Variants in CCDC171 observed in about 807,000 individuals in gnomAD.
The protein encoded by CCDC171 is coiled-coil domain-containing protein 171.
A neutral mutation model predicts 168.2 loss-of-function variants in CCDC171; 177 were observed. The observed-to-expected ratio is 1.05, with a 90% confidence interval of 0.93 to 1.19. CCDC171 has a LOEUF of 1.19. CCDC171 is among the 50% of genes most tolerant of loss of function. The pLI is 0.00. For missense variants in CCDC171, 1,991 were observed against 1,539.0 expected, an observed-to-expected ratio of 1.29 and a Z score of -4.91; for synonymous variants, 687 against 540.8, an observed-to-expected ratio of 1.27 and a Z score of -3.75.
intron 11 of CCDC171, among the ~76,000 whole-genome samples, chr9:15,712,850 G>C (rs961393267): frequency 6.6e-6 from 1 of 152,150 alleles, no homozygotes; most frequent in South Asian, 2.1e-4. Context: ...TATTACCTCT[G>C]TCCTTGCTGC....
chr9:15,840,925 T>C (rs1379331930), intron 21 of CCDC171, among the ~76,000 whole-genome samples: 1 of 152,150 alleles, frequency 6.6e-6, no homozygotes, highest in Non-Finnish European at 1.5e-5. Flanking sequence ...CTTATGAAGT[T>C]CCTTTTTATT....
intron 18 of CCDC171, among the ~76,000 whole-genome samples, chr9:15,746,169 C>A (rs985664100): frequency 6.6e-6 from 1 of 151,948 alleles, no homozygotes; most frequent in East Asian, 1.9e-4. Context: ...TTTTATGATT[C>A]GGATTGCATG....
At chr9:15,593,496 C>G (rs1422188825) in intron 5 of CCDC171, among the ~76,000 whole-genome samples, 5 of 152,000 alleles carry the variant, frequency 3.3e-5, no homozygotes, top group Admixed American at 6.6e-5. Context: ...TTTTAACATT[C>G]TAGAGTTTCC....
At chr9:15,941,238 C>T (rs1827694147) in intron 25 of CCDC171, among the ~76,000 whole-genome samples, 1 of 151,800 alleles carries the variant, frequency 6.6e-6, no homozygotes, top group Non-Finnish European at 1.5e-5. Flanking sequence ...AAGTTTTTCA[C>T]CTTTGAAATT....
intron 25 of CCDC171, among the ~76,000 whole-genome samples, chr9:15,957,031 GT>G (rs60832172): frequency 0.034 from 4,962 of 144,210 alleles, 286 homozygotes; most frequent in African/African-American, 0.12. Flanking sequence ...CTAGAAGTCT[GT>G]TTTTTTTTTT....
At chr9:15,798,538 C>G (rs1485368989) in intron 21 of CCDC171, among the ~76,000 whole-genome samples, 1 of 152,020 alleles carries the variant, frequency 6.6e-6, no homozygotes, top group Non-Finnish European at 1.5e-5. Context: ...ATCAATCTGT[C>G]ACATTTTAGG....
rs189908007 is a variant in CCDC171, at chr9:15,720,294, A to G, written c.1319-1475A>G. ...TATTACTGCCTTCCCCCACTTCTCCATAAGTTCTAATAATAGAATATTTGA... is the reference window on the plus strand; with the variant it reads ...TATTACTGCCTTCCCCCACTTCTCCGTAAGTTCTAATAATAGAATATTTGA... On this transcript the variant is annotated intron_variant, in intron 11 of 25. Coordinates refer to ENST00000380701, the MANE Select transcript of CCDC171 (RefSeq NM_173550.4). 1.5e-3 allele frequency among the ~76,000 whole-genome samples: 222 copies of G among 152,220 alleles called. 8 individuals carry two copies. In the South Asian group the frequency reaches 0.044, roughly 30 times the overall value.
At chr9:15,860,936 ATG>A (rs770617574) in intron 23 of CCDC171, among the ~76,000 whole-genome samples, 15 of 144,230 alleles carry the variant, frequency 1.0e-4, no homozygotes, top group Admixed American at 6.9e-5. Flanking sequence ...GTTGTTAGGG[ATG>A]TGTGTGTGTG....
At chr9:15,668,934 C>G (rs1207311022) in intron 9 of CCDC171, among the ~76,000 whole-genome samples, 5 of 152,032 alleles carry the variant, frequency 3.3e-5, no homozygotes, top group African/African-American at 9.7e-5. Context: ...GATTTTAGGT[C>G]TTTAAGGTAA....
chr9:16,023,469 C>T (rs1399424853), intron 6 of CCDC171, among the ~76,000 whole-genome samples: 1 of 152,078 alleles, frequency 6.6e-6, no homozygotes, highest in Non-Finnish European at 1.5e-5. Context: ...ATGAACATTG[C>T]CGCACTGACT....
At position 15,744,793 on chromosome 9, in the gene CCDC171, C is replaced by CT. The variant is rs760834056; in HGVS notation, c.2554+20dup. The CT allele has an allele frequency of 3.8e-6, 6 of 1,599,566 alleles. No homozygotes were observed. In the African/African-American group the frequency reaches 8.1e-5, roughly 22 times the overall value. On this transcript the variant is annotated intron_variant, in intron 17 of 25. Coordinates refer to ENST00000380701, the MANE Select transcript of CCDC171 (RefSeq NM_173550.4). ...AAATTTCCAAGTAAGATAATTTCTG[C>CT]TTTTAAAAATATAAGTTGCATGTAA...
intron 10 of CCDC171, among the ~76,000 whole-genome samples, chr9:15,681,600 A>C (rs549685358): frequency 1.3e-5 from 2 of 152,134 alleles, no homozygotes; most frequent in East Asian, 3.9e-4. Context: ...ATAAATTACT[A>C]TTCTGTCACT....
At chr9:15,870,888 T>G (rs752540199) in intron 23 of CCDC171, among the ~76,000 whole-genome samples, 22 of 151,358 alleles carry the variant, frequency 1.5e-4, no homozygotes, top group Non-Finnish European at 2.8e-4. Context: ...ACAGTATGGA[T>G]CTTGTGGATC....
intron 6 of CCDC171, among the ~76,000 whole-genome samples, chr9:15,597,939 G>A (rs994532906): frequency 2.6e-5 from 4 of 152,140 alleles, no homozygotes; most frequent in Non-Finnish European, 4.4e-5. Context: ...GCATAGAGGT[G>A]TTTATAGTAT....
In CCDC171 at chr9:15,905,065, T is replaced by G. The variant is rs563900978; in HGVS notation, c.3601-15205T>G. Among the ~76,000 whole-genome samples, 409 of 152,220 alleles carry G rather than the reference T, an allele frequency of 2.7e-3. 2 individuals carry two copies. Among genetic ancestry groups the G allele is most frequent in the African/African-American group, 9.3e-3 (387 of 41,524 alleles). On this transcript the variant is annotated intron_variant, in intron 24 of 25. Transcript: ENST00000380701. Reference sequence around the variant, plus strand: ...CAAAGAGACTTAGACTCCCACACAATAATAATGGGAGACTTTAACACCCCA... The same window carrying G: ...CAAAGAGACTTAGACTCCCACACAAGAATAATGGGAGACTTTAACACCCCA...
At chr9:16,035,061 A>G (rs368148752) in intron 6 of CCDC171, among the ~76,000 whole-genome samples, 118 of 152,332 alleles carry the variant, frequency 7.7e-4, no homozygotes, top group African/African-American at 2.6e-3. Flanking sequence ...TGAATCGAAT[A>G]AATTATATAC....
At chr9:15,636,363 G>A (rs901634961) in intron 7 of CCDC171, among the ~76,000 whole-genome samples, 1 of 152,040 alleles carries the variant, frequency 6.6e-6, no homozygotes, top group Non-Finnish European at 1.5e-5. Context: ...ATATTGTCTT[G>A]TGCTGAACAT....
chr9:15,679,747 C>G (rs1564197450), intron 10 of CCDC171, among the ~76,000 whole-genome samples: 1 of 152,214 alleles, frequency 6.6e-6, no homozygotes, highest in East Asian at 1.9e-4. Context: ...TGAGGTCTCG[C>G]TATGTTGGCC....
At chr9:15,935,862 T>G (rs1033158226) in intron 25 of CCDC171, among the ~76,000 whole-genome samples, 1 of 152,112 alleles carries the variant, frequency 6.6e-6, no homozygotes, top group Non-Finnish European at 1.5e-5. Flanking sequence ...AGAATCCATA[T>G]GTAATTAAAA....
Sources: allele counts gnomAD v4.1 joint callset (sites outside exome capture counted in the v4.1 genomes callset), GRCh38; gene constraint gnomAD v4.1.1; transcripts MANE v1.5; gene names NCBI Gene and HGNC (gene_info 2026-07-23, HGNC 2026-07-21).